Variants in TMEM59L observed in about 807,000 individuals in gnomAD.
TMEM59L encodes the protein transmembrane protein 59 like.
In TMEM59L, 31 loss-of-function variants were observed where a neutral mutation model predicts 39.6. The observed-to-expected ratio is 0.78, with a 90% CI of 0.59 to 1.06. The LOEUF (loss-of-function observed/expected upper bound fraction) is 1.06. TMEM59L is among the 50% of genes least tolerant of loss of function. The pLI, the probability that TMEM59L is intolerant of heterozygous loss-of-function variation, is 0.00. For missense variants in TMEM59L, 441 were observed against 451.3 expected, an observed-to-expected ratio of 0.98 and a Z score of 0.21; for synonymous variants, 219 against 202.9, an observed-to-expected ratio of 1.08 and a Z score of -0.68.
intron 7 of TMEM59L, among the ~76,000 whole-genome samples, chr19:18,620,176 C>T (rs2145352562): frequency 6.6e-6 from 1 of 151,518 alleles, no homozygotes; most frequent in East Asian, 2.0e-4. Flanking sequence ...GTGGCGTGCA[C>T]CTGTAGTCCC....
intron 2 of TMEM59L, 44 bp downstream of exon 2, chr19:18,614,060 C>T: frequency 1.9e-6 from 3 of 1,612,822 alleles, no homozygotes; most frequent in Non-Finnish European, 2.5e-6. Context: ...GGAGAGGTGG[C>T]CTGGGAAGGG....
intron 4 of TMEM59L, 125 bp from the exon 5 acceptor site, chr19:18,616,875 C>T (rs1976433426): frequency 1.4e-6 from 1 of 720,306 alleles, no homozygotes; most frequent in Non-Finnish European, 2.4e-6. Flanking sequence ...ACATCAAGCC[C>T]ACCCCTGATA....
At chr19:18,614,784 T>G (rs900532503) in intron 3 of TMEM59L, among the ~76,000 whole-genome samples, 1 of 152,178 alleles carries the variant, frequency 6.6e-6, no homozygotes, top group African/African-American at 2.4e-5. Context: ...GGTTCATCTA[T>G]TGTAGTCCAA....
chr19:18,613,183 G>C, intron 1 of TMEM59L, 54 bp downstream of exon 1: 2 of 1,250,436 alleles, frequency 1.6e-6, no homozygotes, highest in Non-Finnish European at 2.0e-6. Context: ...CTCTCCGAAG[G>C]AGGAGGCGTT....
intron 7 of TMEM59L, among the ~76,000 whole-genome samples, chr19:18,619,983 A>G (rs1976476888): frequency 1.1e-5 from 1 of 86,982 alleles, no homozygotes; most frequent in Non-Finnish European, 2.5e-5. Context: ...TCACACACAC[A>G]CACACACACA....
intron 7 of TMEM59L, 100 bp from the exon 8 acceptor site, chr19:18,620,307 GA>G (rs1390363487): frequency 2.0e-5 from 25 of 1,276,108 alleles, no homozygotes; most frequent in East Asian, 2.5e-5. Flanking sequence ...CTCAAAAAAA[GA>G]AAAAAAATAA....
Position 18,618,456 on chromosome 19 carries a change from C to A in TMEM59L, c.864C>A (p.Thr288=). 2 of 1,607,110 alleles carry A rather than the reference C, an allele frequency of 1.2e-6. No homozygotes were observed. The highest frequency in any genetic ancestry group is 1.7e-6 in the Non-Finnish European group (2 of 1,178,712). ...VLVMLWLSCS[T]LVTAPGQHLK... ...TGATGCTGTGGCTGAGCTGCTCCAC[C>A]CTGGTGACCGCGCCTGGCCAGCACC... is the stretch of plus-strand genomic sequence containing the variant. The change falls in exon 7 of 8, where the codon ACC becomes ACA. Residue 288 remains threonine, a synonymous_variant. Transcript: ENST00000262817.
chr19:18,614,331 C>A (rs1976405733), intron 3 of TMEM59L, 136 bp downstream of exon 3: 1 of 943,766 alleles, frequency 1.1e-6, no homozygotes, highest in Non-Finnish European at 1.6e-6. Flanking sequence ...CAACCTCCAT[C>A]CAGCCCCGTC....
intron 1 of TMEM59L, 45 bp from the exon 2 acceptor site, chr19:18,613,827 C>T (rs765646870): frequency 6.6e-7 from 1 of 1,524,088 alleles, no homozygotes; most frequent in Admixed American, 1.7e-5. Flanking sequence ...CACCCTCCTC[C>T]TGCCCCTCCC....
In TMEM59L at chr19:18,612,912, C is replaced by A. The variant is rs1306689288; in HGVS notation, c.-47C>A. 7.9e-7 allele frequency: 1 copy of A among 1,268,316 alleles called. No individual in the cohort carries two copies. The highest frequency in any genetic ancestry group is 9.9e-7 in the Non-Finnish European group (1 of 1,009,034). 78.6% of individuals were successfully genotyped at this position (1,268,316 alleles called of 1,614,324 possible). A position where few individuals can be genotyped will look rare whatever the true frequency, so the allele number is the denominator to read the frequency against. ...CGCCGCAGCCGCTGCATCCTCCGTG[C>A]CCGGCCTGAGCTGGAGTCCCCCGCG... is the stretch of plus-strand genomic sequence containing the variant. On this transcript the variant is annotated 5_prime_UTR_variant, in exon 1 of 8. Coordinates refer to ENST00000262817, the MANE Select transcript of TMEM59L (RefSeq NM_012109.3). The surrounding 1 kb of genome is among the most constrained non-coding windows in gnomAD (Gnocchi z 6.2).
rs1038838502 is a variant in TMEM59L at position 18,620,611 on chromosome 19, G to C, written c.*75G>C. ...ACTTGCCCTGAGCCCAGGAGTCCAA[G>C]GGCAGGGTGGGTCCAGCCTTGAGCC... On this transcript the variant is annotated 3_prime_UTR_variant, in exon 8 of 8. Coordinates refer to ENST00000262817, the MANE Select transcript of TMEM59L (RefSeq NM_012109.3). 3 of 1,543,718 alleles carry C rather than the reference G, an allele frequency of 1.9e-6. No homozygotes were observed. The highest frequency in any genetic ancestry group is 1.4e-5 in the African/African-American group (1 of 73,288).
chr19:18,615,938 C>T lies in TMEM59L; in HGVS notation c.409-37C>T, dbSNP rs200732462. On this transcript the variant is annotated intron_variant, in intron 3 of 7. Coordinates refer to ENST00000262817, the MANE Select transcript of TMEM59L (RefSeq NM_012109.3). ...CCATTCATTGGTTAATGCCCTATTT[C>T]GGTGCCATCTTTGTGTCTTGGACCT... 500 of 1,605,462 alleles carry T rather than the reference C, an allele frequency of 3.1e-4. 1 individual carries two copies. The highest frequency in any genetic ancestry group is 3.8e-4 in the Non-Finnish European group (445 of 1,174,282).
Position 18,620,677 on chromosome 19 carries a change from C to A in TMEM59L, c.*141C>A. On this transcript the variant is annotated 3_prime_UTR_variant, in exon 8 of 8. Coordinates refer to ENST00000262817, the MANE Select transcript of TMEM59L (RefSeq NM_012109.3). ...CCTTCCTCTCCTCCCAGTCCCACCC[C>A]TTGCCCCACGGAGTCCTGGGGACGC... 1 of 1,296,998 alleles carries A rather than the reference C, an allele frequency of 7.7e-7. No individual in the cohort carries two copies. Among genetic ancestry groups the A allele is most frequent in the Non-Finnish European group, 1.0e-6 (1 of 984,290 alleles). The allele number at this position is 1,296,998 out of a possible 1,614,324, so 80.3% of individuals were successfully genotyped here.
rs1328374875 is a variant in TMEM59L at position 18,616,070 on chromosome 19, C to T, written c.504C>T (p.Val168=). The change falls in exon 4 of 8, where the codon GTC becomes GTT. Residue 168 remains valine, a synonymous_variant. Coordinates refer to ENST00000262817, the MANE Select transcript of TMEM59L (RefSeq NM_012109.3). ...NDLVNSAQGF[V]SSTWTYYLQT... The stretch of plus-strand genomic sequence containing the variant: ...TTGTCAACTCAGCCCAGGGATTTGT[C>T]TCCTCCACCTGGACATACTACTTGC... 2 of 1,613,992 alleles carry T rather than the reference C, an allele frequency of 1.2e-6. No homozygotes were observed. Among genetic ancestry groups the T allele is most frequent in the African/African-American group, 1.3e-5 (1 of 74,930 alleles).
At chr19:18,617,694 C>T (rs1261906434) in intron 5 of TMEM59L, 4 of 445,618 alleles carry the variant, frequency 9.0e-6, no homozygotes, top group African/African-American at 6.3e-5. Context: ...TGTGGCCCAT[C>T]CCCCAGGGTT....
intron 3 of TMEM59L, among the ~76,000 whole-genome samples, chr19:18,614,641 G>A (rs960380452): frequency 7.2e-5 from 11 of 152,226 alleles, no homozygotes; most frequent in African/African-American, 2.7e-4. Flanking sequence ...GAGCTGCCAG[G>A]TGCTGGTCTA....
intron 1 of TMEM59L, 44 bp from the exon 2 acceptor site, chr19:18,613,828 T>C (rs1244130103): frequency 6.7e-6 from 6 of 898,538 alleles, no homozygotes; most frequent in Non-Finnish European, 1.0e-5. Context: ...ACCCTCCTCC[T>C]GCCCCTCCCC....
chr19:18,619,612 G>T (rs987090829), intron 7 of TMEM59L, among the ~76,000 whole-genome samples: 1 of 151,870 alleles, frequency 6.6e-6, no homozygotes, highest in Non-Finnish European at 1.5e-5. Context: ...AGACCATCCT[G>T]GCTAACAAGG....
chr19:18,618,689 A>AAT (rs1568447578), intron 7 of TMEM59L, among the ~76,000 whole-genome samples, 197 bp downstream of exon 7: 2 of 125,124 alleles, frequency 1.6e-5, no homozygotes, highest in South Asian at 2.5e-4. Flanking sequence ...ATATATATAT[A>AAT]ATATATATAT....
Sources: gnomAD v4.1 joint callset for allele counts (sites outside exome capture counted in the v4.1 genomes callset) on GRCh38, gnomAD v4.1.1 for gene constraint, Gnocchi (gnomAD v3.1) non-coding constraint, MANE v1.5 for transcripts, NCBI Gene and HGNC (gene_info 2026-07-23, HGNC 2026-07-21) for gene names.